GPR146: variants seen among roughly 807,000 people sequenced by gnomAD.
GPR146 encodes G-protein coupled receptor 146.
For missense variants in GPR146, 381 were observed against 213.9 expected (o/e 1.78, Z -4.87); for synonymous variants, 203 against 104.3 (o/e 1.95, Z -5.77).
At position 1,052,309 on chromosome 7, in the gene GPR146, TGAG is replaced by T. The variant is rs1783196016; in HGVS notation, c.-24-5182_-24-5180del. Among the ~76,000 whole-genome samples the T allele has an allele frequency of 6.6e-6, 1 of 152,194 alleles. No individual in the cohort carries two copies. The highest frequency in any genetic ancestry group is 2.4e-5 in the African/African-American group (1 of 41,466). ...TCCAGCTCGGCTGGGGACACTCGCC[TGAG>T]AAGAGCCCAGTCCTGGGTGCCTCCC... On this transcript the variant is annotated intron_variant, in intron 1 of 1. Coordinates refer to ENST00000444847, the MANE Select transcript of GPR146 (RefSeq NM_001303473.2). The surrounding 1 kb of genome is among the most constrained non-coding windows in gnomAD (Gnocchi z 4.2).
rs1326705043 is a variant in GPR146, at chr7:1,058,494, G to C, written c.979G>C (p.Gly327Arg). The stretch of plus-strand genomic sequence containing the variant: ...CCGGCACTGCTCCCCGGACCACATG[G>C]GGGTGCAGCAGGTGCTGGCGTAGGC... ...GDRHCSPDHM[G>R]VQQVLA Residue 327 changes from glycine (G) to arginine (R), a missense_variant, in exon 2 of 2, where the codon GGG becomes CGG. Transcript: ENST00000444847. 3.8e-6 allele frequency: 3 copies of C among 779,812 alleles called. No homozygotes were observed. Among genetic ancestry groups the C allele is most frequent in the East Asian group, 2.4e-5 (1 of 41,260 alleles). The allele number at this position is 779,812 out of a possible 1,614,324, so 48.3% of individuals were successfully genotyped here.
chr7:1,050,456 T>C (rs1044255228), intron 1 of GPR146, among the ~76,000 whole-genome samples: 4 of 152,250 alleles, frequency 2.6e-5, no homozygotes, highest in Non-Finnish European at 4.4e-5. Context: ...CATCGGTCCC[T>C]GTGGCTTGGG....
chr7:1,046,187 AG>A (rs1385992177), intron 1 of GPR146, among the ~76,000 whole-genome samples: 1 of 152,218 alleles, frequency 6.6e-6, no homozygotes, highest in Non-Finnish European at 1.5e-5. Flanking sequence ...GGCAGGGAGA[AG>A]AAGGGGCTCC....
At chr7:1,049,033 G>A (rs1563046177) in intron 1 of GPR146, among the ~76,000 whole-genome samples, 1 of 151,954 alleles carries the variant, frequency 6.6e-6, no homozygotes, top group Non-Finnish European at 1.5e-5. Flanking sequence ...GCGCTCCCCA[G>A]GCCTCCGCTG....
chr7:1,053,005 T>C (rs533947873), intron 1 of GPR146, among the ~76,000 whole-genome samples: 159 of 152,334 alleles, frequency 1.0e-3, no homozygotes, highest in African/African-American at 3.7e-3. Flanking sequence ...CCCGTTCCTC[T>C]TTCCCTTGAA....
At chr7:1,044,843 C>T (rs532600660) in intron 1 of GPR146, among the ~76,000 whole-genome samples, 185 bp downstream of exon 1, 1 of 152,082 alleles carries the variant, frequency 6.6e-6, no homozygotes, top group African/African-American at 2.4e-5. Flanking sequence ...CGCTGTCCTC[C>T]GGCCGCGCTC....
In GPR146 at chr7:1,059,097, T is replaced by C. The variant is rs993413042; in HGVS notation, c.*580T>C. The stretch of plus-strand genomic sequence containing the variant: ...ACATGGCTGGTGTTAAATGGAGCTA[T>C]TCAATAGCAGTGACGCGCTCTCCTC... On this transcript the variant is annotated 3_prime_UTR_variant, in exon 2 of 2. Transcript: ENST00000444847. 4 of 171,964 alleles carry C rather than the reference T, an allele frequency of 2.3e-5. No homozygotes were observed. Among genetic ancestry groups the C allele is most frequent in the Non-Finnish European group, 4.2e-5 (3 of 71,068 alleles). The allele number at this position is 171,964 out of a possible 1,614,324, so 10.7% of individuals were successfully genotyped here.
chr7:1,052,934 C>T lies in GPR146; in HGVS notation c.-24-4558C>T, dbSNP rs531394143. ...GGCTTTCGTGTAGGAAAAGAGCCCA[C>T]TTCTGAAGAGGCTCATCTGGGCTTT... On this transcript the variant is annotated intron_variant, in intron 1 of 1. Transcript: ENST00000444847. The surrounding 1 kb of genome is among the most constrained non-coding windows in gnomAD (Gnocchi z 4.2). Among the ~76,000 whole-genome samples the T allele has an allele frequency of 6.6e-6, 1 of 152,172 alleles. No homozygotes were observed. Among genetic ancestry groups the T allele is most frequent in the Non-Finnish European group, 1.5e-5 (1 of 68,020 alleles).
chr7:1,048,996 A>G (rs1583555343), intron 1 of GPR146, among the ~76,000 whole-genome samples: 1 of 152,256 alleles, frequency 6.6e-6, no homozygotes, highest in Non-Finnish European at 1.5e-5. Flanking sequence ...AAACCATAAA[A>G]CTGCAAAGCC....
In GPR146 at chr7:1,058,815, T is replaced by C. The variant is rs1192771700; in HGVS notation, c.*298T>C. 9 of 417,696 alleles carry C rather than the reference T, an allele frequency of 2.2e-5. No homozygotes were observed. Among genetic ancestry groups the C allele is most frequent in the African/African-American group, 9.9e-5 (5 of 50,586 alleles). The allele number at this position is 417,696 out of a possible 1,614,324, so 25.9% of individuals were successfully genotyped here. A position where few individuals can be genotyped will look rare whatever the true frequency, so the allele number is the denominator to read the frequency against. ...GCCTCCTCAGCATTCAGTTTGTCAA[T>C]GAAGTGATGAAAGCTTAGAGCCAGT... is the stretch of plus-strand genomic sequence containing the variant. On this transcript the variant is annotated 3_prime_UTR_variant, in exon 2 of 2. Transcript: ENST00000444847.
At position 1,058,521 on chromosome 7, in the gene GPR146, G is replaced by C. The variant is rs765913330; in HGVS notation, c.*4G>C. 2.6e-6 allele frequency: 2 copies of C among 776,478 alleles called. No individual in the cohort carries two copies. The highest frequency in any genetic ancestry group is 2.4e-6 in the Non-Finnish European group (1 of 416,184). 48.1% of individuals were successfully genotyped at this position (776,478 alleles called of 1,614,324 possible). A position where few individuals can be genotyped will look rare whatever the true frequency, so the allele number is the denominator to read the frequency against. The stretch of plus-strand genomic sequence containing the variant: ...GGTGCAGCAGGTGCTGGCGTAGGCG[G>C]CCCAGCCCTCCTGGGGAGACGTGAC... On this transcript the variant is annotated 3_prime_UTR_variant, in exon 2 of 2. Transcript: ENST00000444847.
rs1783226215 is a variant in GPR146 at position 1,052,507 on chromosome 7, G to A, written c.-24-4985G>A. Among the ~76,000 whole-genome samples the A allele has an allele frequency of 6.6e-6, 1 of 152,202 alleles. No homozygotes were observed. Among genetic ancestry groups the A allele is most frequent in the Admixed American group, 6.5e-5 (1 of 15,288 alleles). ...CCAGCAGTGTGACTTTGGAGGTGCT[G>A]GAGGAGCAGGGCCTGGCGGAAGAAG... On this transcript the variant is annotated intron_variant, in intron 1 of 1. Transcript: ENST00000444847. The surrounding 1 kb of genome is among the most constrained non-coding windows in gnomAD (Gnocchi z 4.2).
At chr7:1,051,671 G>A (rs1470113250) in intron 1 of GPR146, among the ~76,000 whole-genome samples, 1 of 152,156 alleles carries the variant, frequency 6.6e-6, no homozygotes, top group Non-Finnish European at 1.5e-5. Flanking sequence ...TTTTATGAGA[G>A]TTATTTAAAA....
intron 1 of GPR146, among the ~76,000 whole-genome samples, chr7:1,050,529 G>C (rs555211185): frequency 6.6e-6 from 1 of 152,204 alleles, no homozygotes; most frequent in Non-Finnish European, 1.5e-5. Flanking sequence ...CCTGAGCCTG[G>C]GGCTCCCAGC....
chr7:1,056,503 A>G (rs79683221), intron 1 of GPR146: 17,476 of 152,536 alleles, frequency 0.11, 1,224 homozygotes, highest in Middle Eastern at 0.25. Context: ...CTGCATGCCT[A>G]GCCACAGGGC....
At chr7:1,054,815 C>A (rs1350328309) in intron 1 of GPR146, among the ~76,000 whole-genome samples, 3 of 152,262 alleles carry the variant, frequency 2.0e-5, no homozygotes, top group Admixed American at 6.5e-5. Flanking sequence ...ACACCAGATG[C>A]ACGTGCTCCC....
intron 1 of GPR146, among the ~76,000 whole-genome samples, chr7:1,046,994 C>T (rs2128192869): frequency 6.6e-6 from 1 of 152,312 alleles, no homozygotes; most frequent in South Asian, 2.1e-4. Flanking sequence ...CCAAGCCTGC[C>T]CAGAGTCTGC....
intron 1 of GPR146, among the ~76,000 whole-genome samples, chr7:1,054,952 C>T (rs1278678532): frequency 3.9e-5 from 6 of 152,104 alleles, no homozygotes; most frequent in African/African-American, 9.7e-5. Flanking sequence ...GATTTCCTCA[C>T]GGAAAAAAGG....
At chr7:1,053,903 G>A (rs1783439970) in intron 1 of GPR146, among the ~76,000 whole-genome samples, 1 of 152,242 alleles carries the variant, frequency 6.6e-6, no homozygotes, top group African/African-American at 2.4e-5. Flanking sequence ...CAGCCTGCAG[G>A]CAGGAGACTC....
Sources: gnomAD v4.1 joint callset for allele counts (sites outside exome capture counted in the v4.1 genomes callset) on GRCh38, gnomAD v4.1.1 for gene constraint, Gnocchi (gnomAD v3.1) non-coding constraint, MANE v1.5 for transcripts, NCBI Gene and HGNC (gene_info 2026-07-23, HGNC 2026-07-21) for gene names.